DCDC2C: variants seen among roughly 807,000 people sequenced by gnomAD.
DCDC2C encodes the protein doublecortin domain containing 2C.
Under a neutral mutation model 45.0 loss-of-function variants are expected in DCDC2C, and 44 were observed. The observed-to-expected ratio is 0.98, with a 90% CI of 0.77 to 1.26. The LOEUF is 1.26. Ranked by LOEUF, DCDC2C falls within the 50% of genes most tolerant of loss-of-function variation. The probability of loss-of-function intolerance (pLI) is 0.00; values close to 1 mark genes in which losing one functional copy is unlikely to be tolerated. For missense variants in DCDC2C, 447 were observed against 468.9 expected, an observed-to-expected ratio of 0.95 and a Z score of 0.43; for synonymous variants, 187 against 178.8, an observed-to-expected ratio of 1.05 and a Z score of -0.37.
At chr2:3,774,356 C>T (rs1392724553) in intron 8 of DCDC2C, among the ~76,000 whole-genome samples, 1 of 152,370 alleles carries the variant, frequency 6.6e-6, no homozygotes, top group Non-Finnish European at 1.5e-5. Flanking sequence ...TATCAGGCCA[C>T]CTAACAGAAG....
In DCDC2C at chr2:3,741,917, C is replaced by T. The variant is rs1298204361; in HGVS notation, c.417-3C>T. The T allele has an allele frequency of 6.5e-7, 1 of 1,543,470 alleles. No homozygotes were observed. ...ATGGATGCTTTTCTTTTTATTCTTA[C>T]AGTGTTTTTACAAATGGAAGATTAT... On this transcript the variant is annotated splice_polypyrimidine_tract_variant and splice_region_variant and intron_variant, in intron 3 of 10. Transcript: ENST00000399143.
At chr2:3,791,445 G>A (rs1403565994) in intron 10 of DCDC2C, among the ~76,000 whole-genome samples, 4 of 152,144 alleles carry the variant, frequency 2.6e-5, no homozygotes, top group East Asian at 1.9e-4. Flanking sequence ...TTGTATTCAC[G>A]ACAATTTTAG....
At position 3,703,871 on chromosome 2, in the gene DCDC2C, G is replaced by A; in HGVS notation, c.120G>A (p.Ala40=). 1 of 1,294,544 alleles carries A rather than the reference G, an allele frequency of 7.7e-7. No individual in the cohort carries two copies. Among genetic ancestry groups the A allele is most frequent in the Non-Finnish European group, 9.8e-7 (1 of 1,016,564 alleles). The allele number at this position is 1,294,544 out of a possible 1,614,324, so 80.2% of individuals were successfully genotyped here. The change falls in exon 1 of 11, where the codon GCG becomes GCA. Residue 40 remains alanine, a synonymous_variant. Transcript: ENST00000399143. The surrounding 1 kb of genome is among the most constrained non-coding windows in gnomAD (Gnocchi z 4.4). The part of the protein sequence containing the change: ...GKKFVLSRRR[A]ATFEALLEQL... ...AGTTCGTGCTGTCGCGGCGCCGCGC[G>A]GCCACCTTCGAGGCGCTGCTGGAGC...
intron 10 of DCDC2C, among the ~76,000 whole-genome samples, chr2:3,816,994 T>C (rs1328184352): frequency 1.3e-5 from 2 of 152,186 alleles, no homozygotes; most frequent in Non-Finnish European, 2.9e-5. Context: ...CAGAATAGAA[T>C]GGGCCTGTGA....
At chr2:3,801,516 TAAG>T (rs1370778718) in intron 10 of DCDC2C, among the ~76,000 whole-genome samples, 3 of 152,152 alleles carry the variant, frequency 2.0e-5, no homozygotes, top group Non-Finnish European at 4.4e-5. Context: ...AGTCAGAAAT[TAAG>T]AAGAAAAAAT....
rs145935513 is a variant in DCDC2C at position 3,727,931 on chromosome 2, C to T, written c.416+852C>T. 8.3e-3 allele frequency among the ~76,000 whole-genome samples: 1,257 copies of T among 152,300 alleles called. 21 individuals are homozygous for T. The highest frequency in any genetic ancestry group is 0.026 in the African/African-American group (1,074 of 41,570). On this transcript the variant is annotated intron_variant, in intron 3 of 10. Coordinates refer to ENST00000399143, the MANE Select transcript of DCDC2C (RefSeq NM_001287444.2). The stretch of plus-strand genomic sequence containing the variant: ...AGCGTAGCAGTTCTCTGAATGGCAG[C>T]TCTTCCCCCTGTCCTTTTATTGGGA...
chr2:3,841,656 C>T (rs190744778), intron 10 of DCDC2C, among the ~76,000 whole-genome samples: 4 of 152,294 alleles, frequency 2.6e-5, no homozygotes, highest in East Asian at 3.9e-4. Context: ...GCCCTCTAGT[C>T]GGGGAGACAG....
chr2:3,780,703 G>A (rs77397032), intron 9 of DCDC2C, among the ~76,000 whole-genome samples: 15,297 of 152,162 alleles, frequency 0.1, 1,038 homozygotes, highest in East Asian at 0.29. Flanking sequence ...CTGCGCAGCC[G>A]TTCCCACATA....
At chr2:3,812,211 C>CT (rs56779860) in intron 10 of DCDC2C, among the ~76,000 whole-genome samples, 129 of 140,732 alleles carry the variant, frequency 9.2e-4, no homozygotes, top group East Asian at 1.4e-3. Flanking sequence ...TGGTCCTGGG[C>CT]TTTTTTTTTT....
At chr2:3,797,389 A>G (rs201599417) in intron 10 of DCDC2C, among the ~76,000 whole-genome samples, 36,614 of 150,908 alleles carry the variant, frequency 0.24, 4,950 homozygotes, top group African/African-American at 0.38. Flanking sequence ...CTCTGATTTT[A>G]GTTATTTCTT....
chr2:3,727,793 C>G (rs1668738715), intron 3 of DCDC2C, among the ~76,000 whole-genome samples: 1 of 152,220 alleles, frequency 6.6e-6, no homozygotes, highest in African/African-American at 2.4e-5. Flanking sequence ...TGCTGCTTCG[C>G]TCTGAGGCTG....
At position 3,703,841 on chromosome 2, in the gene DCDC2C, C is replaced by T. The variant is rs1317502669; in HGVS notation, c.90C>T (p.Gly30=). ...VYRNGDPFYV[G]KKFVLSRRRA... ...GCAACGGGGACCCGTTCTACGTGGGCAAGAAGTTCGTGCTGTCGCGGCGCC... is the reference window on the plus strand; with the variant it reads ...GCAACGGGGACCCGTTCTACGTGGGTAAGAAGTTCGTGCTGTCGCGGCGCC... Residue 30 remains glycine (G), a synonymous_variant, in exon 1 of 11, where the codon GGC becomes GGT. Coordinates refer to ENST00000399143, the MANE Select transcript of DCDC2C (RefSeq NM_001287444.2). This position sits in a 1 kb window ranked among gnomAD's most constrained non-coding sequence, Gnocchi z 4.4. 1.6e-6 allele frequency: 2 copies of T among 1,277,934 alleles called. No individual in the cohort carries two copies. The highest frequency in any genetic ancestry group is 1.5e-5 in the African/African-American group (1 of 64,598). The allele number at this position is 1,277,934 out of a possible 1,614,324, so 79.2% of individuals were successfully genotyped here. A position where few individuals can be genotyped will look rare whatever the true frequency, so the allele number is the denominator to read the frequency against.
At chr2:3,841,357 A>T (rs1187581216) in intron 10 of DCDC2C, among the ~76,000 whole-genome samples, 1 of 151,654 alleles carries the variant, frequency 6.6e-6, no homozygotes, top group African/African-American at 2.4e-5. Flanking sequence ...GTTTTTGAAA[A>T]TGCATTTTAA....
At chr2:3,705,551 T>G (rs940097773) in intron 1 of DCDC2C, among the ~76,000 whole-genome samples, 2 of 152,202 alleles carry the variant, frequency 1.3e-5, no homozygotes, top group African/African-American at 4.8e-5. Context: ...AGTATTTAAT[T>G]TTATCCCAAG....
intron 2 of DCDC2C, among the ~76,000 whole-genome samples, chr2:3,714,079 T>A (rs916186464): frequency 2.0e-5 from 3 of 152,232 alleles, no homozygotes; most frequent in African/African-American, 7.2e-5. Context: ...CTAGCTTCTG[T>A]AAATTATTCT....
intron 6 of DCDC2C, among the ~76,000 whole-genome samples, chr2:3,766,310 G>GCGCACA (rs1553275847): frequency 2.1e-5 from 3 of 146,154 alleles, no homozygotes; most frequent in East Asian, 2.0e-4. Context: ...ACACACACAC[G>GCGCACA]CACACACACA....
chr2:3,825,519 T>A (rs1056009153), intron 10 of DCDC2C, among the ~76,000 whole-genome samples: 2 of 152,186 alleles, frequency 1.3e-5, no homozygotes, highest in Non-Finnish European at 2.9e-5. Flanking sequence ...TCTTTCCAAG[T>A]TAAAGCTGGG....
At chr2:3,787,162 C>G (rs952833743) in intron 10 of DCDC2C, among the ~76,000 whole-genome samples, 4 of 152,186 alleles carry the variant, frequency 2.6e-5, no homozygotes, top group African/African-American at 9.7e-5. Context: ...AAAATAATAT[C>G]TGGTTTGAAT....
Position 3,818,388 on chromosome 2 carries a change from C to T in DCDC2C, c.1066-28766C>T, listed in dbSNP as rs562906203. On this transcript the variant is annotated intron_variant, in intron 10 of 10. Transcript: ENST00000399143. This position sits in a 1 kb window ranked among gnomAD's most constrained non-coding sequence, Gnocchi z 4.7. The stretch of plus-strand genomic sequence containing the variant: ...AAGAAAGCATATTTGAGATCCTGAA[C>T]AGAATAATGGGTTATGGAGGGGTTG... 6.6e-6 allele frequency among the ~76,000 whole-genome samples: 1 copy of T among 151,958 alleles called. No homozygotes were observed. Among genetic ancestry groups the T allele is most frequent in the African/African-American group, 2.4e-5 (1 of 41,338 alleles).
Sources: gnomAD v4.1 joint callset for allele counts (sites outside exome capture counted in the v4.1 genomes callset) on GRCh38, gnomAD v4.1.1 for gene constraint, Gnocchi (gnomAD v3.1) non-coding constraint, MANE v1.5 for transcripts, NCBI Gene and HGNC (gene_info 2026-07-23, HGNC 2026-07-21) for gene names.